Variants in HNRNPM observed in about 807,000 individuals in gnomAD.
HNRNPM encodes heterogeneous nuclear ribonucleoprotein M.
A neutral mutation model predicts 73.1 loss-of-function variants in HNRNPM; 11 were observed. The observed-to-expected ratio is 0.15, with a 90% confidence interval of 0.09 to 0.25. The LOEUF is 0.25. Among genes scored for constraint, HNRNPM ranks in the 10% least tolerant of loss-of-function variants. The probability of loss-of-function intolerance (pLI) is 1.00; values close to 1 mark genes in which losing one functional copy is unlikely to be tolerated. For missense variants in HNRNPM, 789 were observed against 1,067.9 expected, an observed-to-expected ratio of 0.74 and a Z score of 3.64; for synonymous variants, 407 against 355.2, an observed-to-expected ratio of 1.15 and a Z score of -1.64.
In HNRNPM at chr19:8,463,596, T is replaced by A. The variant is rs1357046362; in HGVS notation, c.348T>A (p.Val116=). 1 of 1,613,764 alleles carries A rather than the reference T, an allele frequency of 6.2e-7. No individual in the cohort carries two copies. Residue 116 remains valine, a synonymous_variant, in exon 5 of 16, where the codon GTT becomes GTA. Coordinates refer to ENST00000325495, the MANE Select transcript of HNRNPM (RefSeq NM_005968.5). ...DAEGKSRGCA[V]VEFKMEESMK... is the part of the protein sequence containing the mutation. ...TCGTTTCCTTTTGACTCTATAGTGT[T>A]GTTGAATTCAAGATGGAAGAGAGCA...
At chr19:8,484,456 A>G (rs1971132238) in intron 13 of HNRNPM, among the ~76,000 whole-genome samples, 1 of 152,160 alleles carries the variant, frequency 6.6e-6, no homozygotes, top group Non-Finnish European at 1.5e-5. Context: ...TACAGGCATG[A>G]GCCACCACAC....
At chr19:8,467,499 T>C (rs763681940) in intron 7 of HNRNPM, 36 bp from the exon 8 acceptor site, 1 of 1,552,966 alleles carries the variant, frequency 6.4e-7, no homozygotes, top group South Asian at 1.1e-5. Context: ...TGCACATTTT[T>C]AGAATTGCAA....
intron 10 of HNRNPM, 77 bp from the exon 11 acceptor site, chr19:8,473,587 G>A (rs1002476855): frequency 2.3e-6 from 2 of 877,808 alleles, no homozygotes; most frequent in Admixed American, 2.0e-5. Context: ...TGCTGGTTTG[G>A]AATTATGCTT....
chr19:8,472,487 C>T (rs1312506288), intron 10 of HNRNPM, among the ~76,000 whole-genome samples: 1 of 152,182 alleles, frequency 6.6e-6, no homozygotes, highest in Non-Finnish European at 1.5e-5. Context: ...ACACACACCC[C>T]ATGTCTGACA....
At chr19:8,455,659 G>A (rs1040403304) in intron 2 of HNRNPM, 85 bp downstream of exon 2, 17 of 1,107,126 alleles carry the variant, frequency 1.5e-5, no homozygotes, top group Non-Finnish European at 2.3e-5. Flanking sequence ...TTTGGTCAGT[G>A]GAAGCGGCTC....
At chr19:8,463,470 C>G (rs1420154809) in intron 3 of HNRNPM, 27 bp from the exon 4 acceptor site, 2 of 1,613,098 alleles carry the variant, frequency 1.2e-6, no homozygotes, top group African/African-American at 1.3e-5. Context: ...CCTTGCTCTT[C>G]TGACTGGTCT....
At chr19:8,468,966 AT>A (rs1457901446) in intron 9 of HNRNPM, 132 bp downstream of exon 9, 9 of 701,238 alleles carry the variant, frequency 1.3e-5, no homozygotes, top group African/African-American at 1.3e-4. Flanking sequence ...TTTTCTATAG[AT>A]TTTTCAGGGT....
intron 1 of HNRNPM, among the ~76,000 whole-genome samples, chr19:8,448,365 TC>T (rs1425249134): frequency 1.3e-5 from 2 of 151,918 alleles, no homozygotes; most frequent in African/African-American, 4.8e-5. Flanking sequence ...TAGGGTATAG[TC>T]AGGGAAAAAA....
intron 1 of HNRNPM, among the ~76,000 whole-genome samples, chr19:8,447,907 T>TC (rs1239240354): frequency 6.6e-6 from 1 of 152,062 alleles, no homozygotes; most frequent in Non-Finnish European, 1.5e-5. Context: ...GCTCCTGTAG[T>TC]CTCAGCCACT....
chr19:8,450,724 A>ATTAT (rs751651624), intron 1 of HNRNPM, among the ~76,000 whole-genome samples: 1 of 45,878 alleles, frequency 2.2e-5, no homozygotes, highest in African/African-American at 3.3e-5. Context: ...TATTATTATT[A>ATTAT]TTATTTTTTT....
Position 8,466,328 on chromosome 19 carries a change from A to C in HNRNPM, c.724A>C (p.Lys242Gln). 6.2e-7 allele frequency: 1 copy of C among 1,614,164 alleles called. No individual in the cohort carries two copies. The highest frequency in any genetic ancestry group is 8.5e-7 in the Non-Finnish European group (1 of 1,180,010). ...RADILEDKDG[K>Q]SRGIGTVTFE... ...AGACATTCTTGAAGATAAAGATGGA[A>C]AAAGTCGTGGAATAGGCACTGTTAC... The change falls in exon 7 of 16, where the codon AAA becomes CAA. Residue 242 changes from lysine (K) to glutamine (Q), a missense_variant. By Grantham distance (53) the Lys-to-Gln change is moderately conservative. This residue lies in a region of HNRNPM where 604 missense variants were observed against 744.0 expected (regional missense o/e 0.81). Transcript: ENST00000325495.
intron 13 of HNRNPM, among the ~76,000 whole-genome samples, chr19:8,484,518 C>G (rs1013027097): frequency 6.6e-6 from 1 of 152,242 alleles, no homozygotes; most frequent in Non-Finnish European, 1.5e-5. Flanking sequence ...CCCATTCTCG[C>G]TAGGTTCCTT....
Position 8,488,848 on chromosome 19 carries a change from C to T in HNRNPM, c.2187C>T (p.Asn729=), listed in dbSNP as rs377572358. The T allele has an allele frequency of 3.1e-5, 50 of 1,609,016 alleles. No homozygotes were observed. In the African/African-American group the frequency reaches 4.9e-4, roughly 16 times the overall value. The change falls in exon 16 of 16, where the codon AAC becomes AAT. Residue 729 remains asparagine, a synonymous_variant. Transcript: ENST00000325495. ...GREIDVRIDR[N]A ...AGATTGACGTTCGAATTGATAGAAA[C>T]GCTTAAGCAGTTGCCTTTTTTAAAC... is the stretch of plus-strand genomic sequence containing the variant.
intron 12 of HNRNPM, among the ~76,000 whole-genome samples, chr19:8,475,037 AAATAT>A (rs1438965103): frequency 1.3e-5 from 2 of 152,226 alleles, no homozygotes; most frequent in Admixed American, 6.5e-5. Context: ...TTTTTAGCAG[AAATAT>A]AATAATATAA....
chr19:8,466,622 C>T lies in HNRNPM; in HGVS notation c.784+234C>T, dbSNP rs973005824. Among the ~76,000 whole-genome samples the T allele has an allele frequency of 3.3e-5, 5 of 151,826 alleles. No individual in the cohort carries two copies. The East Asian group carries it at 5.8e-4, about 18-fold the overall frequency. On this transcript the variant is annotated intron_variant, in intron 7 of 15. Transcript: ENST00000325495. ...GCGGGCGGATCACTTGAGGTCAGTT[C>T]GAGACCAGCCTGGCCAACATGGTGA...
At position 8,462,269 on chromosome 19, in the gene HNRNPM, CAG is replaced by C; in HGVS notation, c.284-259_284-258del. On this transcript the variant is annotated intron_variant, in intron 2 of 15. Transcript: ENST00000325495. This position sits in a 1 kb window ranked among gnomAD's most constrained non-coding sequence, Gnocchi z 4.5. The stretch of plus-strand genomic sequence containing the variant: ...TCTAGTCATGAATGAGTCTTCCAGA[CAG>C]GGAAATTGATACGGAAATCTGTGGA... The C allele has an allele frequency of 4.5e-6, 2 of 444,984 alleles. No individual in the cohort carries two copies. Among genetic ancestry groups the C allele is most frequent in the Non-Finnish European group, 8.3e-6 (2 of 242,362 alleles). The allele number at this position is 444,984 out of a possible 1,614,324, so 27.6% of individuals were successfully genotyped here.
rs141595956 is a variant in HNRNPM, at chr19:8,485,782, T to C, written c.1354T>C (p.Ser452Pro). Residue 452 changes from serine to proline, a missense_variant, in exon 14 of 16, where the codon TCC (serine) becomes CCC (proline). Physicochemically the swap from Ser to Pro is moderately conservative, Grantham distance 74 (BLOSUM62 -1). This residue lies in a region of HNRNPM where 604 missense variants were observed against 744.0 expected (regional missense o/e 0.81). Coordinates refer to ENST00000325495, the MANE Select transcript of HNRNPM (RefSeq NM_005968.5). The part of the protein sequence containing the change: ...DRMGSVERMG[S>P]GIERMGPLGL... ...CATGGGCTCCGTGGAGCGCATGGGC[T>C]CCGGCATTGAGCGCATGGGCCCGCT... 5.6e-6 allele frequency: 9 copies of C among 1,599,918 alleles called. No individual in the cohort carries two copies. The Admixed American group carries it at 1.0e-4, about 18-fold the overall frequency.
At chr19:8,480,310 C>T (rs1320111609) in intron 12 of HNRNPM, among the ~76,000 whole-genome samples, 4 of 143,028 alleles carry the variant, frequency 2.8e-5, no homozygotes, top group African/African-American at 7.7e-5. Flanking sequence ...AACCACTGCA[C>T]TCCAGCCTGG....
rs147186559 is a variant in HNRNPM at position 8,453,500 on chromosome 19, C to T, written c.114-1905C>T. The stretch of plus-strand genomic sequence containing the variant: ...CAGCTACTATCTGGTGTTTCTTCCA[C>T]GGAAGAAAGTTACATCCCAGAATAA... On this transcript the variant is annotated intron_variant, in intron 1 of 15. Coordinates refer to ENST00000325495, the MANE Select transcript of HNRNPM (RefSeq NM_005968.5). Among the ~76,000 whole-genome samples the T allele has an allele frequency of 5.7e-3, 875 of 152,220 alleles. 17 individuals are homozygous for T. Among genetic ancestry groups the T allele is most frequent in the African/African-American group, 0.02 (832 of 41,542 alleles).
Sources: gnomAD v4.1 joint callset for allele counts (sites outside exome capture counted in the v4.1 genomes callset) on GRCh38, gnomAD v4.1.1 for gene constraint, gnomAD v4.1.1 regional missense constraint, Gnocchi (gnomAD v3.1) non-coding constraint, MANE v1.5 for transcripts, NCBI Gene and HGNC (gene_info 2026-07-23, HGNC 2026-07-21) for gene names.